Variants in RBFOX1 observed in about 807,000 individuals in gnomAD.
RBFOX1 encodes RNA binding fox-1 homolog 1, also known as RNA binding protein fox-1 homolog 1.
Under a neutral mutation model 57.7 loss-of-function variants are expected in RBFOX1, and 8 were observed. The ratio of observed to expected loss-of-function variants is 0.14; its 90% CI spans 0.08 to 0.25. The LOEUF is 0.25. Ranked by LOEUF, RBFOX1 falls within the 10% of genes least tolerant of loss-of-function variation. RBFOX1 has a pLI of 1.00. For synonymous variants in RBFOX1, 326 were observed against 222.4 expected, an observed-to-expected ratio of 1.47 and a Z score of -4.15; for missense variants, 611 against 548.5, an observed-to-expected ratio of 1.11 and a Z score of -1.14.
chr16:5,580,765 A>T (rs1434717341), intron 2 of RBFOX1, among the ~76,000 whole-genome samples: 4 of 152,146 alleles, frequency 2.6e-5, no homozygotes, highest in African/African-American at 9.7e-5. Flanking sequence ...ATTAAAGGCA[A>T]ACTGGTGGGA....
chr16:7,200,677 T>C (rs941772204), intron 4 of RBFOX1, among the ~76,000 whole-genome samples: 1 of 152,192 alleles, frequency 6.6e-6, no homozygotes, highest in Non-Finnish European at 1.5e-5. Flanking sequence ...AGAGTCAGTA[T>C]GCCCCAAATT....
chr16:6,460,117 G>T (rs8054821), intron 2 of RBFOX1, among the ~76,000 whole-genome samples: 1 of 147,936 alleles, frequency 6.8e-6, no homozygotes, highest in Admixed American at 6.9e-5. Flanking sequence ...CAGCATTGCA[G>T]ACTTGGCAGC....
At chr16:5,758,345 G>A (rs1365773196) in intron 3 of RBFOX1, among the ~76,000 whole-genome samples, 1 of 152,140 alleles carries the variant, frequency 6.6e-6, no homozygotes, top group African/African-American at 2.4e-5. Flanking sequence ...GCCATAATTG[G>A]AGCACGGAGA....
intron 2 of RBFOX1, among the ~76,000 whole-genome samples, chr16:6,619,470 C>A (rs946431292): frequency 1.3e-5 from 2 of 152,122 alleles, no homozygotes; most frequent in Non-Finnish European, 2.9e-5. Context: ...ATCAGTTCTC[C>A]CATTCTTTTT....
At chr16:6,985,897 C>G (rs1321013391) in intron 3 of RBFOX1, among the ~76,000 whole-genome samples, 1 of 125,036 alleles carries the variant, frequency 8.0e-6, no homozygotes, top group Admixed American at 8.0e-5. Context: ...TGCAGGACTT[C>G]TTTGTATCTT....
chr16:6,824,164 G>A (rs746581625), intron 3 of RBFOX1, among the ~76,000 whole-genome samples: 4 of 152,172 alleles, frequency 2.6e-5, no homozygotes, highest in Non-Finnish European at 4.4e-5. Flanking sequence ...CAGCACTTTG[G>A]GAGGCCAGGG....
intron 2 of RBFOX1, among the ~76,000 whole-genome samples, chr16:6,636,220 G>C (rs1235520820): frequency 4.6e-5 from 7 of 152,102 alleles, no homozygotes; most frequent in African/African-American, 1.7e-4. Context: ...GCCCAGGCTG[G>C]AGTGCAGAGG....
intron 4 of RBFOX1, among the ~76,000 whole-genome samples, chr16:5,879,218 CAAG>C (rs1431823685): frequency 6.6e-6 from 1 of 152,214 alleles, no homozygotes; most frequent in East Asian, 1.9e-4. Flanking sequence ...TGCAGTATCT[CAAG>C]AAGGCTTCCT....
intron 10 of RBFOX1, among the ~76,000 whole-genome samples, chr16:7,622,789 T>A (rs2059510394): frequency 6.6e-6 from 1 of 152,192 alleles, no homozygotes; most frequent in African/African-American, 2.4e-5. Flanking sequence ...GAGCAACATT[T>A]TTTCTGCAAC....
intron 2 of RBFOX1, among the ~76,000 whole-genome samples, chr16:5,533,216 C>G (rs1470034302): frequency 2.0e-5 from 3 of 152,104 alleles, no homozygotes; most frequent in Non-Finnish European, 4.4e-5. Flanking sequence ...GGGCTGCGGA[C>G]TTTTGGAATT....
intron 3 of RBFOX1, among the ~76,000 whole-genome samples, chr16:6,852,501 A>G (rs1050092000): frequency 2.6e-5 from 4 of 152,224 alleles, no homozygotes; most frequent in Non-Finnish European, 5.9e-5. Context: ...ACAGTCTTAC[A>G]AGTAGGGAAC....
intron 3 of RBFOX1, among the ~76,000 whole-genome samples, chr16:7,014,415 A>T (rs536850706): frequency 3.2e-4 from 47 of 148,892 alleles, no homozygotes; most frequent in Non-Finnish European, 6.0e-4. Context: ...ATTTTATTTT[A>T]TTTTTTTTTA....
At chr16:5,527,755 A>G (rs1435995743) in intron 2 of RBFOX1, among the ~76,000 whole-genome samples, 6 of 152,100 alleles carry the variant, frequency 3.9e-5, no homozygotes, top group Non-Finnish European at 7.4e-5. Flanking sequence ...AAATCCTTGT[A>G]CCTTGCATCT....
intron 1 of RBFOX1, among the ~76,000 whole-genome samples, chr16:5,404,971 A>G (rs1308715536): frequency 6.6e-6 from 1 of 152,258 alleles, no homozygotes; most frequent in Non-Finnish European, 1.5e-5. Context: ...GTACTTCTCT[A>G]GAGCTTTCTA....
chr16:5,749,331 C>T (rs1354444903), intron 3 of RBFOX1, among the ~76,000 whole-genome samples: 1 of 152,190 alleles, frequency 6.6e-6, no homozygotes, highest in Non-Finnish European at 1.5e-5. Context: ...GTGAATCTGA[C>T]AATTTATTTG....
intron 1 of RBFOX1, among the ~76,000 whole-genome samples, chr16:6,093,180 G>A (rs2096200958): frequency 1.3e-5 from 2 of 152,214 alleles, no homozygotes. Flanking sequence ...AGGTAAACAA[G>A]CATCTGGAGA....
intron 2 of RBFOX1, among the ~76,000 whole-genome samples, chr16:6,353,760 G>C (rs1295611613): frequency 6.6e-6 from 1 of 152,146 alleles, no homozygotes; most frequent in East Asian, 1.9e-4. Flanking sequence ...CAAGCGAACG[G>C]TGAGTTTAAT....
At chr16:7,194,289 T>A (rs1370545923) in intron 4 of RBFOX1, among the ~76,000 whole-genome samples, 1 of 152,232 alleles carries the variant, frequency 6.6e-6, no homozygotes, top group African/African-American at 2.4e-5. Context: ...TATGGCTACC[T>A]TTTATTCAGA....
At chr16:6,599,271 C>G (rs1007103042) in intron 2 of RBFOX1, among the ~76,000 whole-genome samples, 1 of 152,098 alleles carries the variant, frequency 6.6e-6, no homozygotes, top group African/African-American at 2.4e-5. Context: ...GCATAACTTC[C>G]AATAAAGCAA....
Sources: allele counts gnomAD v4.1 joint callset (sites outside exome capture counted in the v4.1 genomes callset), GRCh38; gene constraint gnomAD v4.1.1; transcripts MANE v1.5; gene names NCBI Gene and HGNC (gene_info 2026-07-23, HGNC 2026-07-21).